NPSR1: variants seen among roughly 807,000 people sequenced by gnomAD.
NPSR1 encodes neuropeptide S receptor.
Under a neutral mutation model 46.9 loss-of-function variants are expected in NPSR1, and 48 were observed. The observed-to-expected ratio is 1.02, with a 90% CI of 0.81 to 1.30. The LOEUF (loss-of-function observed/expected upper bound fraction) is 1.30. Among genes scored for constraint, NPSR1 ranks in the 50% most tolerant of loss-of-function variants. NPSR1 has a pLI of 0.00. For synonymous variants in NPSR1, 176 were observed against 168.1 expected (o/e 1.05, Z -0.36); for missense variants, 450 against 449.5 (o/e 1.00, Z -0.01).
chr7:34,751,013 C>T, intron 2 of NPSR1: 1 of 771,682 alleles, frequency 1.3e-6, no homozygotes, highest in Non-Finnish European at 2.4e-6. Flanking sequence ...ACTTCTTGGC[C>T]AGGGCAGCAA....
chr7:34,752,260 G>A (rs1785578623), intron 2 of NPSR1, among the ~76,000 whole-genome samples: 2 of 152,110 alleles, frequency 1.3e-5, no homozygotes, highest in Admixed American at 1.3e-4. Context: ...TGGAGCCTCA[G>A]TAAATTTACT....
chr7:34,839,064 T>A lies in NPSR1; in HGVS notation c.757+4604T>A, dbSNP rs934473628. Among the ~76,000 whole-genome samples, 5 of 152,350 alleles carry A rather than the reference T, an allele frequency of 3.3e-5. No homozygotes were observed. The South Asian group carries it at 1.0e-3, about 32-fold the overall frequency. The stretch of plus-strand genomic sequence containing the variant: ...GTTAGAGCCCTATTCACTTTCTAGC[T>A]TAAAAAATTTAAGAGAAGCCCATTA... On this transcript the variant is annotated intron_variant, in intron 6 of 8. Transcript: ENST00000360581.
chr7:34,672,561 T>C (rs1792113116), intron 1 of NPSR1, among the ~76,000 whole-genome samples: 1 of 152,154 alleles, frequency 6.6e-6, no homozygotes, highest in East Asian at 1.9e-4. Flanking sequence ...CTACGGCCCA[T>C]GGTACTGATG....
At chr7:34,848,111 A>G (rs775839317) in intron 7 of NPSR1, among the ~76,000 whole-genome samples, 17 of 152,242 alleles carry the variant, frequency 1.1e-4, no homozygotes, top group South Asian at 2.1e-4. Context: ...GTCTTTTCCT[A>G]GAGAGTCTTC....
At chr7:34,826,156 G>A (rs1046684645) in intron 4 of NPSR1, among the ~76,000 whole-genome samples, 8 of 152,046 alleles carry the variant, frequency 5.3e-5, no homozygotes, top group Admixed American at 2.6e-4. Flanking sequence ...GTGGATTACC[G>A]GTTGCATGTA....
rs946763130 is a variant in NPSR1 at position 34,753,225 on chromosome 7, A to C, written c.281-25237A>C. Among the ~76,000 whole-genome samples, 4 of 152,166 alleles carry C rather than the reference A, an allele frequency of 2.6e-5. No homozygotes were observed. In the South Asian group the frequency reaches 6.2e-4, roughly 24 times the overall value. On this transcript the variant is annotated intron_variant, in intron 2 of 8. Coordinates refer to ENST00000360581, the MANE Select transcript of NPSR1 (RefSeq NM_207172.2). ...GGATGACTAACATTTGGAGATGCTGATGCTGCCAAAAGTAGAAAGATCAGG... is the reference window on the plus strand; with the variant it reads ...GGATGACTAACATTTGGAGATGCTGCTGCTGCCAAAAGTAGAAAGATCAGG...
intron 2 of NPSR1, among the ~76,000 whole-genome samples, chr7:34,703,078 G>A (rs1793916136): frequency 6.6e-6 from 1 of 152,196 alleles, no homozygotes; most frequent in East Asian, 1.9e-4. Flanking sequence ...CAAAAGGAGC[G>A]GCCAGGCGCG....
rs1791283979 is a variant in NPSR1 at position 34,658,400 on chromosome 7, C to A, written c.-13C>A. The A allele has an allele frequency of 6.2e-7, 1 of 1,613,098 alleles. No individual in the cohort carries two copies. The highest frequency in any genetic ancestry group is 8.5e-7 in the Non-Finnish European group (1 of 1,179,792). On this transcript the variant is annotated 5_prime_UTR_variant, in exon 1 of 9. Coordinates refer to ENST00000360581, the MANE Select transcript of NPSR1 (RefSeq NM_207172.2). ...CAGGAGCAAGGACAGTGAGGCTCAA[C>A]CCCGCCTGAGCCATGCCAGCCAACT...
At chr7:34,823,806 A>AT (rs1367006304) in intron 4 of NPSR1, among the ~76,000 whole-genome samples, 1 of 152,108 alleles carries the variant, frequency 6.6e-6, no homozygotes, top group African/African-American at 2.4e-5. Context: ...AAAAAATGTT[A>AT]TTTATCAGTG....
At chr7:34,737,186 C>T (rs1263657834) in intron 2 of NPSR1, among the ~76,000 whole-genome samples, 2 of 152,208 alleles carry the variant, frequency 1.3e-5, no homozygotes, top group African/African-American at 4.8e-5. Flanking sequence ...TGAGTAAACT[C>T]TCCATGTGAC....
intron 2 of NPSR1, among the ~76,000 whole-genome samples, chr7:34,733,820 T>C (rs558434886): frequency 8.5e-5 from 13 of 152,338 alleles, no homozygotes; most frequent in African/African-American, 3.1e-4. Flanking sequence ...ATTACATGAC[T>C]TTCCAGAAAA....
At chr7:34,730,411 A>G (rs1446178234) in intron 2 of NPSR1, among the ~76,000 whole-genome samples, 1 of 152,110 alleles carries the variant, frequency 6.6e-6, no homozygotes, top group Non-Finnish European at 1.5e-5. Flanking sequence ...TCTCTGCTCA[A>G]TGTTCTTTTA....
chr7:34,845,541 C>T, intron 7 of NPSR1: 1 of 455,362 alleles, frequency 2.2e-6, no homozygotes, highest in Non-Finnish European at 4.4e-6. Context: ...CGGCTTACTT[C>T]CTAATCTCAT....
intron 2 of NPSR1, among the ~76,000 whole-genome samples, chr7:34,775,387 T>C (rs1218924327): frequency 2.0e-5 from 3 of 152,206 alleles, no homozygotes; most frequent in African/African-American, 7.2e-5. Flanking sequence ...TCCTCCTCTA[T>C]TTTTCAGAAT....
intron 2 of NPSR1, among the ~76,000 whole-genome samples, chr7:34,743,142 CTTAAGT>C (rs1326245387): frequency 2.6e-5 from 4 of 152,236 alleles, no homozygotes; most frequent in Middle Eastern, 3.4e-3. Flanking sequence ...TGCAGAAACT[CTTAAGT>C]TTAATTAGAT....
chr7:34,720,274 C>T (rs1020730875), intron 2 of NPSR1, among the ~76,000 whole-genome samples: 4 of 118,334 alleles, frequency 3.4e-5, no homozygotes, highest in Admixed American at 7.9e-5. Flanking sequence ...AGCAAGATTC[C>T]GAGAAAAAAA....
At position 34,790,669 on chromosome 7, in the gene NPSR1, T is replaced by C. The variant is rs143421351; in HGVS notation, c.384+12104T>C. On this transcript the variant is annotated intron_variant, in intron 3 of 8. Transcript: ENST00000360581. ...TAATATGTATTATGTTATAAATATA[T>C]GTTATATGTTCTATGTTATATATAA... Among the ~76,000 whole-genome samples the C allele has an allele frequency of 2.5e-3, 328 of 132,836 alleles. 14 individuals carry two copies. The East Asian group carries it at 0.06, about 24-fold the overall frequency. The allele number at this position is 132,836 out of a possible 152,430, so 87.1% of individuals were successfully genotyped here.
intron 4 of NPSR1, among the ~76,000 whole-genome samples, chr7:34,815,777 G>A (rs1329097027): frequency 1.5e-5 from 2 of 130,426 alleles, no homozygotes; most frequent in African/African-American, 5.0e-5. Context: ...TTCTTAAAGA[G>A]AAGAATTTTC....
intron 2 of NPSR1, among the ~76,000 whole-genome samples, chr7:34,749,563 G>C (rs912506830): frequency 2.0e-5 from 3 of 152,192 alleles, no homozygotes; most frequent in East Asian, 3.9e-4. Flanking sequence ...AATGGATTCA[G>C]ATAATGACTA....
Sources: allele counts gnomAD v4.1 joint callset (sites outside exome capture counted in the v4.1 genomes callset), GRCh38; gene constraint gnomAD v4.1.1; transcripts MANE v1.5; gene names NCBI Gene and HGNC (gene_info 2026-07-23, HGNC 2026-07-21).